Variants in SEC24A observed in about 807,000 individuals in gnomAD.
The protein encoded by SEC24A is protein transport protein Sec24A.
SEC24A carries 93 observed loss-of-function variants against 129.4 expected under a neutral mutation model. The observed-to-expected ratio is 0.72, with a 90% CI of 0.61 to 0.85. The LOEUF (loss-of-function observed/expected upper bound fraction) is 0.85, where lower values mean the gene tolerates loss of function less well. Among genes scored for constraint, SEC24A ranks in the 40% least tolerant of loss-of-function variants. SEC24A has a pLI of 0.00. For missense variants in SEC24A, 1,264 were observed against 1,307.4 expected (o/e 0.97, Z 0.51); for synonymous variants, 460 against 467.3 (o/e 0.98, Z 0.20).
intron 15 of SEC24A, chr5:134,701,312 T>C (rs953609046): frequency 6.6e-6 from 1 of 152,134 alleles, no homozygotes; most frequent in Non-Finnish European, 1.5e-5. Context: ...TTTTAAAGGG[T>C]ATATTTGTTG....
chr5:134,712,472 G>A (rs994616098), intron 18 of SEC24A, among the ~76,000 whole-genome samples: 2 of 151,762 alleles, frequency 1.3e-5, no homozygotes, highest in African/African-American at 2.4e-5. Flanking sequence ...TTCTGGTCTC[G>A]AACTCCTGAC....
chr5:134,656,347 G>C (rs1191060389), intron 1 of SEC24A, among the ~76,000 whole-genome samples: 5 of 151,842 alleles, frequency 3.3e-5, no homozygotes, highest in Non-Finnish European at 7.4e-5. Context: ...CAAAGTGCTG[G>C]GATTACAGGC....
intron 1 of SEC24A, among the ~76,000 whole-genome samples, chr5:134,655,936 G>T (rs1489756737): frequency 1.3e-5 from 2 of 151,364 alleles, no homozygotes; most frequent in African/African-American, 4.9e-5. Flanking sequence ...TTAAATATTG[G>T]TGTTCTTCAA....
chr5:134,719,814 C>T (rs761861862), intron 20 of SEC24A, among the ~76,000 whole-genome samples: 1 of 152,064 alleles, frequency 6.6e-6, no homozygotes, highest in African/African-American at 2.4e-5. Flanking sequence ...GGAGAAACCA[C>T]GTCTCTACTA....
chr5:134,694,115 A>C (rs1268198509), intron 13 of SEC24A, among the ~76,000 whole-genome samples, 182 bp downstream of exon 13: 1 of 152,154 alleles, frequency 6.6e-6, no homozygotes, highest in East Asian at 1.9e-4. Context: ...ACCCTTCCTT[A>C]ATTTTTAGTA....
In SEC24A at chr5:134,650,043, T is replaced by G. The variant is rs531202928; in HGVS notation, c.97+870T>G. 1.4e-3 allele frequency among the ~76,000 whole-genome samples: 213 copies of G among 152,312 alleles called. 2 individuals carry two copies. Among genetic ancestry groups the G allele is most frequent in the African/African-American group, 4.7e-3 (197 of 41,584 alleles). On this transcript the variant is annotated intron_variant, in intron 1 of 22. Transcript: ENST00000398844. ...AGAACTTAAGTTGCCCATTAGAGTC[T>G]AAGAGTTCTGTGAAGTTGGAGAATA...
At chr5:134,698,630 G>GTTTT (rs1212106367) in intron 15 of SEC24A, among the ~76,000 whole-genome samples, 8 of 120,500 alleles carry the variant, frequency 6.6e-5, no homozygotes, top group Non-Finnish European at 1.1e-4. Flanking sequence ...ATAGAGTCTT[G>GTTTT]TTTTTTTTTT....
At chr5:134,698,598 C>CAAA (rs536006364) in intron 15 of SEC24A, among the ~76,000 whole-genome samples, 1 of 69,752 alleles carries the variant, frequency 1.4e-5, no homozygotes, top group East Asian at 4.1e-4. Flanking sequence ...ACACTGTCTC[C>CAAA]AAAAAAAAAA....
chr5:134,705,457 A>G lies in SEC24A; in HGVS notation c.2551+20A>G, dbSNP rs1752134398. 2 of 1,456,016 alleles carry G rather than the reference A, an allele frequency of 1.4e-6. No individual in the cohort carries two copies. The highest frequency in any genetic ancestry group is 1.9e-6 in the Non-Finnish European group (2 of 1,040,944). The allele number at this position is 1,456,016 out of a possible 1,614,324, so 90.2% of individuals were successfully genotyped here. A position where few individuals can be genotyped will look rare whatever the true frequency, so the allele number is the denominator to read the frequency against. ...ATATGGGTAAGAGTTGTTATCTGTT[A>G]TAAATATCTTACAAGTAATAACATT... On this transcript the variant is annotated intron_variant, in intron 17 of 22. Coordinates refer to ENST00000398844, the MANE Select transcript of SEC24A (RefSeq NM_021982.3).
At position 134,649,094 on chromosome 5, in the gene SEC24A, A is replaced by T. The variant is rs1439380989; in HGVS notation, c.18A>T (p.Ile6=). MSQPG[I]PASGGAPASL... ...CAGTCATCATGTCCCAGCCGGGAATACCGGCCTCCGGCGGCGCCCCAGCCA... is the reference window on the plus strand; with the variant it reads ...CAGTCATCATGTCCCAGCCGGGAATTCCGGCCTCCGGCGGCGCCCCAGCCA... Residue 6 remains isoleucine, a synonymous_variant, in exon 1 of 23, where the codon ATA becomes ATT. Transcript: ENST00000398844. The T allele has an allele frequency of 6.2e-7, 1 of 1,608,992 alleles. No homozygotes were observed. Among genetic ancestry groups the T allele is most frequent in the East Asian group, 2.3e-5 (1 of 44,294 alleles).
chr5:134,681,442 T>TGTGTG (rs1403955952), intron 8 of SEC24A, among the ~76,000 whole-genome samples: 2 of 143,698 alleles, frequency 1.4e-5, no homozygotes, highest in African/African-American at 2.5e-5. Context: ...GTTTTATTGT[T>TGTGTG]TGTGTGTGTG....
chr5:134,695,172 C>G (rs1751780422), intron 13 of SEC24A, among the ~76,000 whole-genome samples: 1 of 151,976 alleles, frequency 6.6e-6, no homozygotes, highest in Non-Finnish European at 1.5e-5. Flanking sequence ...GAGTTTGAGA[C>G]CAATCTGGGC....
intron 13 of SEC24A, among the ~76,000 whole-genome samples, chr5:134,695,083 TAAAG>T (rs1222252022): frequency 6.6e-6 from 1 of 151,894 alleles, no homozygotes; most frequent in Non-Finnish European, 1.5e-5. Context: ...AAGGTGAAAA[TAAAG>T]GGTCAAGTGT....
At chr5:134,696,210 C>T (rs760568404) in intron 13 of SEC24A, among the ~76,000 whole-genome samples, 9 of 151,482 alleles carry the variant, frequency 5.9e-5, no homozygotes, top group Non-Finnish European at 1.0e-4. Context: ...GCAGAGGTTG[C>T]GGTGAGCTGA....
chr5:134,722,244 G>A (rs955936260), intron 21 of SEC24A, among the ~76,000 whole-genome samples: 14 of 151,644 alleles, frequency 9.2e-5, no homozygotes, highest in African/African-American at 2.2e-4. Flanking sequence ...TAATCTCAGC[G>A]CTTTGGGAGG....
At chr5:134,686,589 T>A (rs1018354704) in intron 9 of SEC24A, among the ~76,000 whole-genome samples, 17 of 152,300 alleles carry the variant, frequency 1.1e-4, no homozygotes, top group Admixed American at 7.2e-4. Flanking sequence ...GAAAACACTC[T>A]TCTGAATTAC....
chr5:134,686,034 T>C (rs1751440078), intron 9 of SEC24A, among the ~76,000 whole-genome samples: 2 of 152,194 alleles, frequency 1.3e-5, no homozygotes. Context: ...GAGATTTGGC[T>C]GTAATTTGTT....
intron 1 of SEC24A, among the ~76,000 whole-genome samples, chr5:134,651,931 ACT>A (rs905529948): frequency 5.2e-5 from 7 of 135,618 alleles, no homozygotes; most frequent in African/African-American, 1.9e-4. Flanking sequence ...TCTGTTGAAA[ACT>A]CTTTTTTTTT....
At chr5:134,666,676 A>G in intron 2 of SEC24A, 147 bp from the exon 3 acceptor site, 2 of 612,272 alleles carry the variant, frequency 3.3e-6, no homozygotes, top group Non-Finnish European at 5.6e-6. Context: ...AAAAATTGTA[A>G]ATTTAGGAAG....
Sources: allele counts gnomAD v4.1 joint callset (sites outside exome capture counted in the v4.1 genomes callset), GRCh38; gene constraint gnomAD v4.1.1; transcripts MANE v1.5; gene names NCBI Gene and HGNC (gene_info 2026-07-23, HGNC 2026-07-21).